Variants in SZT2 observed in about 807,000 individuals in gnomAD.
The protein encoded by SZT2 is SZT2 subunit of KICSTOR complex, also known as KICSTOR complex protein SZT2.
Under a neutral mutation model 404.2 loss-of-function variants are expected in SZT2, and 216 were observed. The observed-to-expected ratio is 0.53, with a 90% CI of 0.48 to 0.60. The LOEUF is 0.60. SZT2 is among the 20% of genes least tolerant of loss of function. SZT2 has a pLI of 0.00. For missense variants in SZT2, 3,857 were observed against 4,459.2 expected, an observed-to-expected ratio of 0.86 and a Z score of 3.85; for synonymous variants, 1,693 against 1,749.9, an observed-to-expected ratio of 0.97 and a Z score of 0.81.
chr1:43,436,091 C>G (rs377673297), intron 42 of SZT2: 1 of 152,186 alleles, frequency 6.6e-6, no homozygotes. Flanking sequence ...ACTGAAGTCT[C>G]GACACTTCTC....
intron 13 of SZT2, 40 bp downstream of exon 13, chr1:43,422,672 C>A: frequency 1.1e-6 from 1 of 938,344 alleles, no homozygotes; most frequent in Non-Finnish European, 1.4e-6. Context: ...GCCCCCCCAC[C>A]CCCCCGCCAC....
chr1:43,445,569 T>G, intron 62 of SZT2: 1 of 387,238 alleles, frequency 2.6e-6, no homozygotes, highest in South Asian at 2.9e-5. Context: ...TCCTTGAATT[T>G]TCCTAATCAA....
Position 43,439,511 on chromosome 1 carries a change from G to C in SZT2, c.6877+69G>C. ...AAGCCTTTTGTCATCCTATTGCTAA[G>C]AGGACATTTCCCAGGCTTGCAGCTG... is the stretch of plus-strand genomic sequence containing the variant. On this transcript the variant is annotated intron_variant, in intron 49 of 71. Transcript: ENST00000634258. This position sits in a 1 kb window ranked among gnomAD's most constrained non-coding sequence, Gnocchi z 4.2. 1 of 1,600,070 alleles carries C rather than the reference G, an allele frequency of 6.2e-7. No individual in the cohort carries two copies. The highest frequency in any genetic ancestry group is 1.1e-5 in the South Asian group (1 of 89,280).
intron 4 of SZT2, chr1:43,404,793 A>C: frequency 2.5e-6 from 1 of 396,940 alleles, no homozygotes; most frequent in Non-Finnish European, 4.5e-6. Flanking sequence ...TGCCTTTTTC[A>C]CTGCTCCTGT....
intron 46 of SZT2, chr1:43,438,306 T>G: frequency 2.9e-6 from 1 of 339,476 alleles, no homozygotes; most frequent in Non-Finnish European, 5.6e-6. Context: ...AAGAGGATGG[T>G]TATTTGGGAT....
chr1:43,431,874 A>T lies in SZT2; in HGVS notation c.5247A>T (p.Pro1749=), dbSNP rs1156776434. The change falls in exon 36 of 72, where the codon CCA becomes CCT. Residue 1749 remains proline, a synonymous_variant. Transcript: ENST00000634258. ...QTLPLSFVFG[P]ERSLTQFKEE... is the part of the protein sequence containing the mutation. ...TGCCACTGAGTTTTGTATTTGGGCC[A>T]GAGCGTTCCCTCACACAATTCAAGG... 1 of 1,614,210 alleles carries T rather than the reference A, an allele frequency of 6.2e-7. No homozygotes were observed. The highest frequency in any genetic ancestry group is 8.5e-7 in the Non-Finnish European group (1 of 1,180,034).
chr1:43,433,282 G>T, intron 40 of SZT2, 92 bp downstream of exon 40: 2 of 1,394,236 alleles, frequency 1.4e-6, no homozygotes, highest in South Asian at 2.6e-5. Flanking sequence ...TTAGAAGTAA[G>T]ACTTGGGACT....
intron 7 of SZT2, 125 bp from the exon 8 acceptor site, chr1:43,419,609 G>A: frequency 4.0e-6 from 3 of 744,118 alleles, no homozygotes; most frequent in Non-Finnish European, 6.6e-6. Context: ...GGAAAACACT[G>A]GCCTACTTCC....
In SZT2 at chr1:43,428,387, C is replaced by A; in HGVS notation, c.4067C>A (p.Ala1356Glu). ...LCGHTWGLPH[A>E]PPSPGPLSPG... Reference sequence around the variant, plus strand: ...GGCCACACTTGGGGTTTGCCTCATGCACCCCCAAGTCCTGGTCCTCTCAGC... The same window carrying A: ...GGCCACACTTGGGGTTTGCCTCATGAACCCCCAAGTCCTGGTCCTCTCAGC... The change falls in exon 28 of 72, where the codon GCA becomes GAA. Residue 1356 changes from alanine (A) to glutamate (E), a missense_variant. This residue lies in a region of SZT2 where 1,725 missense variants were observed against 1,881.0 expected (regional missense o/e 0.92). Transcript: ENST00000634258. 1 of 1,614,216 alleles carries A rather than the reference C, an allele frequency of 6.2e-7. No homozygotes were observed. The highest frequency in any genetic ancestry group is 8.5e-7 in the Non-Finnish European group (1 of 1,180,034).
At chr1:43,412,984 GTTT>G (rs1463874801) in intron 4 of SZT2, among the ~76,000 whole-genome samples, 1 of 152,282 alleles carries the variant, frequency 6.6e-6, no homozygotes, top group South Asian at 2.1e-4. Context: ...AGTTAAAATG[GTTT>G]TTATCCAAAA....
In SZT2 at chr1:43,451,749, C is replaced by A; in HGVS notation, c.*1269C>A. ...AAGAGGATACTACATTCCGAGACCC[C>A]GCAGGCCCCGCCCTCCTTCCGATCT... On this transcript the variant is annotated 3_prime_UTR_variant, in exon 72 of 72. Transcript: ENST00000634258. The A allele has an allele frequency of 6.2e-7, 1 of 1,613,730 alleles. No individual in the cohort carries two copies.
Position 43,403,592 on chromosome 1 carries a change from A to G in SZT2, c.154-9A>G. On this transcript the variant is annotated splice_polypyrimidine_tract_variant and intron_variant, in intron 2 of 71. Transcript: ENST00000634258. Reference sequence around the variant, plus strand: ...GATCCTTTCCTTTTCTTTCCATCCTAATTTTCAGCTTCAGTCTGAACAGGA... The same window carrying G: ...GATCCTTTCCTTTTCTTTCCATCCTGATTTTCAGCTTCAGTCTGAACAGGA... 2 of 1,604,778 alleles carry G rather than the reference A, an allele frequency of 1.2e-6. No individual in the cohort carries two copies. Among genetic ancestry groups the G allele is most frequent in the South Asian group, 1.1e-5 (1 of 90,962 alleles).
intron 46 of SZT2, among the ~76,000 whole-genome samples, chr1:43,438,420 A>G (rs1467041027): frequency 1.3e-5 from 2 of 152,220 alleles, no homozygotes; most frequent in Non-Finnish European, 2.9e-5. Flanking sequence ...AATAACTTCT[A>G]GTGTAATTCT....
At position 43,389,915 on chromosome 1, in the gene SZT2, G is replaced by A. The variant is rs1022431051; in HGVS notation, c.-54G>A. The A allele has an allele frequency of 3.2e-6, 5 of 1,538,704 alleles. No homozygotes were observed. Among genetic ancestry groups the A allele is most frequent in the Non-Finnish European group, 4.4e-6 (5 of 1,143,586 alleles). On this transcript the variant is annotated 5_prime_UTR_variant, in exon 1 of 72. Coordinates refer to ENST00000634258, the MANE Select transcript of SZT2 (RefSeq NM_001365999.1). Reference sequence around the variant, plus strand: ...CTGGGTGCCGAGGTAGCGAGGTCAGGGGTCAAGAGTGGAACACCCTCACTG... The same window carrying A: ...CTGGGTGCCGAGGTAGCGAGGTCAGAGGTCAAGAGTGGAACACCCTCACTG...
intron 1 of SZT2, among the ~76,000 whole-genome samples, chr1:43,390,872 T>G (rs1175081615): frequency 6.6e-6 from 1 of 152,218 alleles, no homozygotes; most frequent in Non-Finnish European, 1.5e-5. Context: ...ATGTGTATAA[T>G]GATAGAAATA....
intron 1 of SZT2, among the ~76,000 whole-genome samples, chr1:43,400,729 G>A (rs563733156): frequency 7.4e-4 from 112 of 152,154 alleles, no homozygotes; most frequent in Middle Eastern, 3.4e-3. Flanking sequence ...AAAATTAGCC[G>A]GGCTTGGTGG....
chr1:43,429,682 A>G, intron 28 of SZT2, 21 bp from the exon 29 acceptor site: 2 of 1,614,146 alleles, frequency 1.2e-6, no homozygotes, highest in Non-Finnish European at 1.7e-6. Flanking sequence ...ACACTTCAAC[A>G]TCCTTACCCC....
At chr1:43,422,420 T>C (rs1652478533) in intron 12 of SZT2, 60 bp from the exon 13 acceptor site, 3 of 1,517,224 alleles carry the variant, frequency 2.0e-6, no homozygotes, top group Admixed American at 2.1e-5. Flanking sequence ...TAGTAGTCTA[T>C]TCCTTTTCTC....
chr1:43,432,426 G>A lies in SZT2; in HGVS notation c.5429G>A (p.Gly1810Asp), dbSNP rs1654008641. 3 of 1,567,608 alleles carry A rather than the reference G, an allele frequency of 1.9e-6. No individual in the cohort carries two copies. The highest frequency in any genetic ancestry group is 2.6e-6 in the Non-Finnish European group (3 of 1,158,298). Residue 1810 changes from glycine to aspartate, a missense_variant, in exon 37 of 72, where the codon GGC becomes GAC. Gly to Asp is a moderately conservative substitution (Grantham distance 94, BLOSUM62 -1). This residue lies in a region of SZT2 where 1,725 missense variants were observed against 1,881.0 expected (regional missense o/e 0.92). Coordinates refer to ENST00000634258, the MANE Select transcript of SZT2 (RefSeq NM_001365999.1). ...AWHSHEDRAE[G>D]IEGETLTASP... ...CACAGTCATGAGGACAGGGCTGAAG[G>A]CATCGAAGGGGAGGTGAGTCTCACC...
Sources: allele counts gnomAD v4.1 joint callset (sites outside exome capture counted in the v4.1 genomes callset), GRCh38; gene constraint gnomAD v4.1.1; regional missense constraint gnomAD v4.1.1; non-coding constraint Gnocchi (gnomAD v3.1); transcripts MANE v1.5; gene names NCBI Gene and HGNC (gene_info 2026-07-23, HGNC 2026-07-21).